TNPO2: variants seen among roughly 807,000 people sequenced by gnomAD.
TNPO2 encodes the protein transportin 2, also known as transportin-2.
A neutral mutation model predicts 111.1 loss-of-function variants in TNPO2; 16 were observed. The observed-to-expected ratio is 0.14, with a 90% confidence interval of 0.10 to 0.22. The LOEUF (loss-of-function observed/expected upper bound fraction) is 0.22. Ranked by LOEUF, TNPO2 falls within the 10% of genes least tolerant of loss-of-function variation. TNPO2 has a pLI of 1.00. For missense variants in TNPO2, 530 were observed against 1,173.7 expected, an observed-to-expected ratio of 0.45 and a Z score of 8.01; for synonymous variants, 481 against 475.8, an observed-to-expected ratio of 1.01 and a Z score of -0.14.
intron 2 of TNPO2, 42 bp downstream of exon 2, chr19:12,723,203 GAACT>G (rs1411837689): frequency 6.6e-6 from 1 of 152,172 alleles, no homozygotes; most frequent in Non-Finnish European, 1.5e-5. Context: ...AAAACGAAAT[GAACT>G]AATAAAATAA....
intron 18 of TNPO2, 134 bp from the exon 19 acceptor site, chr19:12,703,935 T>C (rs375133242): frequency 5.4e-6 from 4 of 735,424 alleles, no homozygotes; most frequent in African/African-American, 3.6e-5. Flanking sequence ...TTCCTTAACC[T>C]CCCTAGCCTC....
chr19:12,714,335 C>CG (rs1213888260), intron 10 of TNPO2, among the ~76,000 whole-genome samples: 1 of 143,616 alleles, frequency 7.0e-6, no homozygotes, highest in Non-Finnish European at 1.5e-5. Context: ...TTTTTTGAGA[C>CG]GGAGTTTTGC....
chr19:12,719,329 T>C lies in TNPO2; in HGVS notation c.107A>G (p.Lys36Arg), dbSNP rs758877788. 14 of 1,613,776 alleles carry C rather than the reference T, an allele frequency of 8.7e-6. No individual in the cohort carries two copies. The highest frequency in any genetic ancestry group is 3.3e-5 in the Admixed American group (2 of 59,996). Residue 36 changes from lysine (K) to arginine (R), a missense_variant, in exon 4 of 26, where the codon AAA becomes AGA. Lys to Arg is a conservative substitution (Grantham distance 26, BLOSUM62 2). Transcript: ENST00000425528. This position sits in a 1 kb window ranked among gnomAD's most constrained non-coding sequence, Gnocchi z 5.0. Reference protein sequence around the residue: ...ATQRIVQDKLKQLNQFPDFNN... With the variant: ...ATQRIVQDKLRQLNQFPDFNN... The stretch of plus-strand genomic sequence containing the variant: ...GAAGTCAGGAAACTGATTGAGTTGT[T>C]TGAGTTTCTGCCAGGCTGTTAAGGG...
rs1305498625 is a variant in TNPO2, at chr19:12,714,864, C to T, written c.847G>A (p.Glu283Lys). 1 of 1,613,642 alleles carries T rather than the reference C, an allele frequency of 6.2e-7. No homozygotes were observed. Among genetic ancestry groups the T allele is most frequent in the Non-Finnish European group, 8.5e-7 (1 of 1,179,804 alleles). ...EACEFWLTLA[E>K]QPICKEVLAS... The stretch of plus-strand genomic sequence containing the variant: ...AGGACTTCCTTGCAGATGGGCTGCT[C>T]GGCCAGCGTCAGCCAGAACTCACAG... The change falls in exon 10 of 26, where the codon GAG becomes AAG. Residue 283 changes from glutamate (E) to lysine (K), a missense_variant. Glu to Lys is a moderately conservative substitution (Grantham distance 56). Coordinates refer to ENST00000425528, the MANE Select transcript of TNPO2 (RefSeq NM_001382241.1).
chr19:12,718,950 C>A lies in TNPO2; in HGVS notation c.325+79G>T, dbSNP rs2026519105. ...TACCATAGAGGGTGCCAGAGCATTCCATGAAGCACTACACTTAACATGCTG... is the reference window on the plus strand; with the variant it reads ...TACCATAGAGGGTGCCAGAGCATTCAATGAAGCACTACACTTAACATGCTG... On this transcript the variant is annotated intron_variant, in intron 5 of 25. Transcript: ENST00000425528. The A allele has an allele frequency of 3.2e-6, 5 of 1,560,660 alleles. No homozygotes were observed. In the East Asian group the frequency reaches 9.0e-5, roughly 28 times the overall value.
chr19:12,723,302 T>TG lies in TNPO2; in HGVS notation c.-68dup, dbSNP rs1348170380. The TG allele has an allele frequency of 1.3e-5, 2 of 152,222 alleles. No homozygotes were observed. The highest frequency in any genetic ancestry group is 6.6e-5 in the Admixed American group (1 of 15,264). 9.4% of individuals were successfully genotyped at this position (152,222 alleles called of 1,614,324 possible). ...GGAAATTCTGGCAAGGGCAGGGTCA[T>TG]GAAGAAAGAAATCTTCTTGATCCTT... is the stretch of plus-strand genomic sequence containing the variant. On this transcript the variant is annotated 5_prime_UTR_variant, in exon 2 of 26. It removes the in-frame stop codon of an upstream open reading frame in the 5' UTR. Coordinates refer to ENST00000425528, the MANE Select transcript of TNPO2 (RefSeq NM_001382241.1).
chr19:12,706,608 G>A lies in TNPO2; in HGVS notation c.1458C>T (p.Ile486=). 6.2e-7 allele frequency: 1 copy of A among 1,614,082 alleles called. No individual in the cohort carries two copies. Among genetic ancestry groups the A allele is most frequent in the Non-Finnish European group, 8.5e-7 (1 of 1,179,980 alleles). The change falls in exon 14 of 26, where the codon ATC becomes ATT. Residue 486 remains isoleucine (I), a synonymous_variant. Transcript: ENST00000425528. The surrounding 1 kb of genome is among the most constrained non-coding windows in gnomAD (Gnocchi z 7.0). Reference sequence around the variant, plus strand: ...CCTGTACCCTCTTGTTGCCATCCAGGATGCGTTTGAGCAGCTCTGTCATCA... The same window carrying A: ...CCTGTACCCTCTTGTTGCCATCCAGAATGCGTTTGAGCAGCTCTGTCATCA... ...KPLMTELLKR[I]LDGNKRVQEA...
rs1260460063 is a variant in TNPO2, at chr19:12,705,993, C to G, written c.1668+203G>C. On this transcript the variant is annotated intron_variant, in intron 15 of 25. Coordinates refer to ENST00000425528, the MANE Select transcript of TNPO2 (RefSeq NM_001382241.1). The surrounding 1 kb of genome is among the most constrained non-coding windows in gnomAD (Gnocchi z 7.2). ...GCCTGGGTTACCACCTCCTGGTTCC[C>G]GAAGCACAGCACTTACCACGCTGTC... The G allele has an allele frequency of 4.3e-6, 3 of 694,642 alleles. No individual in the cohort carries two copies. Among genetic ancestry groups the G allele is most frequent in the Non-Finnish European group, 7.1e-6 (3 of 424,734 alleles). The allele number at this position is 694,642 out of a possible 1,614,324, so 43.0% of individuals were successfully genotyped here. A position where few individuals can be genotyped will look rare whatever the true frequency, so the allele number is the denominator to read the frequency against.
In TNPO2 at chr19:12,700,552, G is replaced by A. The variant is rs1599402200; in HGVS notation, c.*712C>T. On this transcript the variant is annotated 3_prime_UTR_variant, in exon 26 of 26. Transcript: ENST00000425528. Reference sequence around the variant, plus strand: ...GCTGAGGCTGCAACAAAGCTGGCAGGGAGTGTGTGGAGTGGGTCCCAAGCA... The same window carrying A: ...GCTGAGGCTGCAACAAAGCTGGCAGAGAGTGTGTGGAGTGGGTCCCAAGCA... 1 of 152,384 alleles carries A rather than the reference G, an allele frequency of 6.6e-6. No individual in the cohort carries two copies. Among genetic ancestry groups the A allele is most frequent in the East Asian group, 1.9e-4 (1 of 5,176 alleles). 9.4% of individuals were successfully genotyped at this position (152,384 alleles called of 1,614,324 possible).
chr19:12,714,732 G>T (rs62108394), intron 10 of TNPO2, 89 bp downstream of exon 10: 1 of 1,011,790 alleles, frequency 9.9e-7, no homozygotes, highest in Non-Finnish European at 1.6e-6. Context: ...TGTGGACTGA[G>T]AGAAGCACAG....
At chr19:12,718,990 A>C (rs750138281) in intron 5 of TNPO2, 39 bp downstream of exon 5, 1 of 1,609,736 alleles carries the variant, frequency 6.2e-7, no homozygotes, top group East Asian at 2.2e-5. Context: ...GTGAGAGTTC[A>C]GTGTGTCCTC....
At position 12,705,164 on chromosome 19, in the gene TNPO2, A is replaced by G. The variant is rs1018548792; in HGVS notation, c.2022+76T>C. 1.4e-6 allele frequency: 2 copies of G among 1,448,030 alleles called. No individual in the cohort carries two copies. Among genetic ancestry groups the G allele is most frequent in the Non-Finnish European group, 1.9e-6 (2 of 1,059,800 alleles). 89.7% of individuals were successfully genotyped at this position (1,448,030 alleles called of 1,614,324 possible). A position where few individuals can be genotyped will look rare whatever the true frequency, so the allele number is the denominator to read the frequency against. ...TTTTCCCTGATTTCCTTTGGGCACAACCAGGCCCTGACTCCCCACCAGGGG... is the reference window on the plus strand; with the variant it reads ...TTTTCCCTGATTTCCTTTGGGCACAGCCAGGCCCTGACTCCCCACCAGGGG... On this transcript the variant is annotated intron_variant, in intron 18 of 25. Coordinates refer to ENST00000425528, the MANE Select transcript of TNPO2 (RefSeq NM_001382241.1). This position sits in a 1 kb window ranked among gnomAD's most constrained non-coding sequence, Gnocchi z 7.2.
At chr19:12,707,479 CTTTTTTTTTTTTTTT>C (rs56817777) in intron 13 of TNPO2, among the ~76,000 whole-genome samples, 2 of 75,022 alleles carry the variant, frequency 2.7e-5, no homozygotes, top group African/African-American at 1.1e-4. Context: ...TGTGAGTTTT[CTTTTTTTTTTTTTTT>C]TTTTTTTTTT....
chr19:12,702,901 A>G lies in TNPO2; in HGVS notation c.2227T>C (p.Tyr743His). 6.2e-7 allele frequency: 1 copy of G among 1,613,800 alleles called. No homozygotes were observed. The highest frequency in any genetic ancestry group is 8.5e-7 in the Non-Finnish European group (1 of 1,179,746). ...AGGTTGTTGAGGACCATCTGCACAT[A>G]AGGCTGCATCTCTGCCCCTGGGGGA... Reference protein sequence around the residue: ...CMQMGAEMQPYVQMVLNNLVE... With the variant: ...CMQMGAEMQPHVQMVLNNLVE... The change falls in exon 21 of 26, where the codon TAT becomes CAT. Residue 743 changes from tyrosine (Y) to histidine (H), a missense_variant. By Grantham distance (83) the Tyr-to-His change is moderately conservative. Around this residue, in one of 4 missense-constraint regions of TNPO2, gnomAD observed 183 missense variants for 481.0 expected, o/e 0.38. Coordinates refer to ENST00000425528, the MANE Select transcript of TNPO2 (RefSeq NM_001382241.1). The surrounding 1 kb of genome is among the most constrained non-coding windows in gnomAD (Gnocchi z 5.5).
At chr19:12,712,842 G>A (rs947015461) in intron 10 of TNPO2, among the ~76,000 whole-genome samples, 15 of 152,288 alleles carry the variant, frequency 9.8e-5, no homozygotes, top group African/African-American at 3.1e-4. Flanking sequence ...TTTGTCTTGT[G>A]TCTTTATTTC....
chr19:12,699,328 T>TGAGGAGGGAAAGAGGGA lies in TNPO2; in HGVS notation c.*1919_*1935dup. The TGAGGAGGGAAAGAGGGA allele has an allele frequency of 2.4e-6, 1 of 415,942 alleles. No individual in the cohort carries two copies. The highest frequency in any genetic ancestry group is 4.8e-6 in the Non-Finnish European group (1 of 206,670). The allele number at this position is 415,942 out of a possible 1,614,324, so 25.8% of individuals were successfully genotyped here. On this transcript the variant is annotated 3_prime_UTR_variant, in exon 26 of 26. Coordinates refer to ENST00000425528, the MANE Select transcript of TNPO2 (RefSeq NM_001382241.1). ...CCGGGAGCCCGCAGGGGGAAGAGGG[T>TGAGGAGGGAAAGAGGGA]GAGGAGGGAAAGAGGGACTGTGGCT...
At position 12,699,459 on chromosome 19, in the gene TNPO2, TTTTTTA is replaced by T. The variant is rs1168553188; in HGVS notation, c.*1799_*1804del. 6.1e-5 allele frequency: 8 copies of T among 130,766 alleles called. No homozygotes were observed. Among genetic ancestry groups the T allele is most frequent in the Admixed American group, 2.1e-4 (3 of 14,136 alleles). The allele number at this position is 130,766 out of a possible 1,614,324, so 8.1% of individuals were successfully genotyped here. On this transcript the variant is annotated 3_prime_UTR_variant, in exon 26 of 26. Coordinates refer to ENST00000425528, the MANE Select transcript of TNPO2 (RefSeq NM_001382241.1). Reference sequence around the variant, plus strand: ...AATAAATTAAAAAATTAAATAGTTTTTTTTTAAAAAAAAAAAAAAAAAGGAAAACGA... The same window carrying T: ...AATAAATTAAAAAATTAAATAGTTTTAAAAAAAAAAAAAAAAGGAAAACGA...
At chr19:12,703,389 C>T in intron 20 of TNPO2, 39 bp downstream of exon 20, 1 of 1,583,384 alleles carries the variant, frequency 6.3e-7, no homozygotes, top group East Asian at 2.2e-5. Flanking sequence ...TGAGAACAGG[C>T]TAATGGGGGG....
chr19:12,710,008 A>G (rs1311434034), intron 13 of TNPO2, among the ~76,000 whole-genome samples: 1 of 152,106 alleles, frequency 6.6e-6, no homozygotes, highest in Non-Finnish European at 1.5e-5. Context: ...TGCTGAGGCA[A>G]TGGTATATGA....
Sources: gnomAD v4.1 joint callset for allele counts (sites outside exome capture counted in the v4.1 genomes callset) on GRCh38, gnomAD v4.1.1 for gene constraint, gnomAD v4.1.1 regional missense constraint, Gnocchi (gnomAD v3.1) non-coding constraint, MANE v1.5 for transcripts, NCBI Gene and HGNC (gene_info 2026-07-23, HGNC 2026-07-21) for gene names.